PLPPR5: variants seen among roughly 807,000 people sequenced by gnomAD.
The protein encoded by PLPPR5 is phospholipid phosphatase-related protein type 5.
A neutral mutation model predicts 33.9 loss-of-function variants in PLPPR5; 16 were observed. The observed-to-expected ratio is 0.47, with a 90% CI of 0.32 to 0.72. PLPPR5 has a LOEUF of 0.72. PLPPR5 is among the 30% of genes least tolerant of loss of function. PLPPR5 has a pLI of 0.03. For missense variants in PLPPR5, 301 were observed against 406.7 expected, an observed-to-expected ratio of 0.74 and a Z score of 2.23; for synonymous variants, 163 against 150.3, an observed-to-expected ratio of 1.08 and a Z score of -0.62.
intron 1 of PLPPR5, among the ~76,000 whole-genome samples, chr1:98,975,702 C>T (rs1196418813): frequency 6.6e-6 from 1 of 152,030 alleles, no homozygotes; most frequent in East Asian, 1.9e-4. Context: ...TACACATGAA[C>T]ATACTTTGTA....
chr1:98,933,696 A>G (rs1650069154), intron 3 of PLPPR5, among the ~76,000 whole-genome samples: 1 of 152,088 alleles, frequency 6.6e-6, no homozygotes, highest in African/African-American at 2.4e-5. Context: ...CTGAGAAACT[A>G]CTGAAAACAT....
In PLPPR5 at chr1:98,890,695, T is replaced by G. The variant is rs943089477; in HGVS notation, c.*2377A>C. 6.6e-6 allele frequency: 1 copy of G among 152,568 alleles called. No individual in the cohort carries two copies. The highest frequency in any genetic ancestry group is 2.4e-5 in the African/African-American group (1 of 41,444). 9.5% of individuals were successfully genotyped at this position (152,568 alleles called of 1,614,324 possible). A position where few individuals can be genotyped will look rare whatever the true frequency, so the allele number is the denominator to read the frequency against. On this transcript the variant is annotated 3_prime_UTR_variant, in exon 6 of 6. Coordinates refer to ENST00000263177, the MANE Select transcript of PLPPR5 (RefSeq NM_001037317.2). Reference sequence around the variant, plus strand: ...GAAATATGATTTTCATTATTCTCAGTAACAGCATCATGAATAAGGGCTATT... The same window carrying G: ...GAAATATGATTTTCATTATTCTCAGGAACAGCATCATGAATAAGGGCTATT...
intron 1 of PLPPR5, among the ~76,000 whole-genome samples, chr1:98,968,315 C>T (rs942151244): frequency 8.6e-5 from 13 of 151,916 alleles, no homozygotes; most frequent in African/African-American, 2.2e-4. Flanking sequence ...CTCAAAAGAG[C>T]GAGCTTATAA....
At chr1:98,920,610 G>C (rs1962520) in intron 4 of PLPPR5, among the ~76,000 whole-genome samples, 1 of 22,182 alleles carries the variant, frequency 4.5e-5, no homozygotes, top group Non-Finnish European at 1.3e-4. Flanking sequence ...AAAAAAAAAA[G>C]CAGCACAGGA....
At chr1:98,989,069 T>G (rs895794317) in intron 1 of PLPPR5, among the ~76,000 whole-genome samples, 1 of 152,114 alleles carries the variant, frequency 6.6e-6, no homozygotes, top group Non-Finnish European at 1.5e-5. Context: ...GATTACCTAC[T>G]AACTGAACAG....
intron 4 of PLPPR5, among the ~76,000 whole-genome samples, chr1:98,917,809 T>G (rs899649557): frequency 1.3e-5 from 2 of 152,232 alleles, no homozygotes; most frequent in Non-Finnish European, 1.5e-5. Context: ...ATACTTTGAT[T>G]GATGTGTCTC....
At chr1:98,905,869 T>C (rs537457984) in intron 5 of PLPPR5, among the ~76,000 whole-genome samples, 1 of 152,150 alleles carries the variant, frequency 6.6e-6, no homozygotes, top group Non-Finnish European at 1.5e-5. Flanking sequence ...GTTATTTTAA[T>C]ACTTAAATGA....
At chr1:98,975,555 T>C (rs1651820630) in intron 1 of PLPPR5, among the ~76,000 whole-genome samples, 1 of 152,050 alleles carries the variant, frequency 6.6e-6, no homozygotes, top group Admixed American at 6.6e-5. Flanking sequence ...CTACATGTTA[T>C]TTGGAGATTG....
At chr1:98,973,506 A>G (rs911322029) in intron 1 of PLPPR5, among the ~76,000 whole-genome samples, 3 of 151,994 alleles carry the variant, frequency 2.0e-5, no homozygotes, top group African/African-American at 7.2e-5. Context: ...GACACTGGGA[A>G]TAAGACTCAG....
chr1:98,892,919 G>A lies in PLPPR5; in HGVS notation c.*153C>T. ...CCCTCGAGGAGCTCACAGTCTAGTG[G>A]GGGAAACAGATAGGTTGACATTGAT... On this transcript the variant is annotated 3_prime_UTR_variant, in exon 6 of 6. Transcript: ENST00000263177. The A allele has an allele frequency of 1.3e-6, 1 of 743,280 alleles. No homozygotes were observed. The highest frequency in any genetic ancestry group is 2.2e-6 in the Non-Finnish European group (1 of 449,590). The allele number at this position is 743,280 out of a possible 1,614,324, so 46.0% of individuals were successfully genotyped here.
intron 5 of PLPPR5, among the ~76,000 whole-genome samples, chr1:98,894,762 G>A (rs1398941295): frequency 1.3e-5 from 2 of 152,030 alleles, no homozygotes; most frequent in Non-Finnish European, 2.9e-5. Flanking sequence ...TAAATTTGCT[G>A]AAGATGATCT....
chr1:98,981,189 A>C (rs1652051951), intron 1 of PLPPR5, among the ~76,000 whole-genome samples: 1 of 152,048 alleles, frequency 6.6e-6, no homozygotes, highest in Non-Finnish European at 1.5e-5. Context: ...TAGAGGCCCC[A>C]TTTTGCAGAT....
At chr1:98,977,543 G>T (rs1651905407) in intron 1 of PLPPR5, among the ~76,000 whole-genome samples, 1 of 147,946 alleles carries the variant, frequency 6.8e-6, no homozygotes, top group African/African-American at 2.5e-5. Flanking sequence ...AGGATGCTAT[G>T]ATGCTTAGAT....
intron 5 of PLPPR5, among the ~76,000 whole-genome samples, chr1:98,912,797 A>C (rs1486442332): frequency 6.6e-6 from 1 of 152,232 alleles, no homozygotes; most frequent in African/African-American, 2.4e-5. Flanking sequence ...TGTAGAGCAC[A>C]GAAGTATTTT....
At chr1:99,004,345 C>T in intron 1 of PLPPR5, 90 bp downstream of exon 1, 1 of 1,144,570 alleles carries the variant, frequency 8.7e-7, no homozygotes. Flanking sequence ...GCAAAACCTA[C>T]TGCGCCCCAA....
At chr1:98,963,575 G>A (rs1331455057) in intron 1 of PLPPR5, among the ~76,000 whole-genome samples, 2 of 152,148 alleles carry the variant, frequency 1.3e-5, no homozygotes, top group Non-Finnish European at 2.9e-5. Flanking sequence ...AACCGGCACA[G>A]CCAGAGTCTG....
At chr1:98,963,259 G>C (rs1651312238) in intron 1 of PLPPR5, among the ~76,000 whole-genome samples, 1 of 151,972 alleles carries the variant, frequency 6.6e-6, no homozygotes, top group South Asian at 2.1e-4. Flanking sequence ...TTCTATTCCT[G>C]GTGCAGTTCA....
At chr1:98,917,288 T>C (rs1314499248) in intron 4 of PLPPR5, among the ~76,000 whole-genome samples, 2 of 152,188 alleles carry the variant, frequency 1.3e-5, no homozygotes, top group Non-Finnish European at 2.9e-5. Context: ...ATATCTTGAT[T>C]TCTTATATTT....
At chr1:98,947,059 G>GAATT (rs1650583805) in intron 3 of PLPPR5, among the ~76,000 whole-genome samples, 1 of 152,050 alleles carries the variant, frequency 6.6e-6, no homozygotes, top group African/African-American at 2.4e-5. Context: ...TTCTTAATTA[G>GAATT]AATGTTCAAG....
Sources: allele counts gnomAD v4.1 joint callset (sites outside exome capture counted in the v4.1 genomes callset), GRCh38; gene constraint gnomAD v4.1.1; transcripts MANE v1.5; gene names NCBI Gene and HGNC (gene_info 2026-07-23, HGNC 2026-07-21).